NFATC1: variants seen among roughly 807,000 people sequenced by gnomAD.
NFATC1 encodes the protein nuclear factor of activated T cells 1, also known as nuclear factor of activated T-cells, cytoplasmic 1.
Under a neutral mutation model 76.0 loss-of-function variants are expected in NFATC1, and 22 were observed. The observed-to-expected ratio is 0.29, with a 90% CI of 0.21 to 0.41. The LOEUF is 0.41. Among genes scored for constraint, NFATC1 ranks in the 10% least tolerant of loss-of-function variants. The pLI, the probability that NFATC1 is intolerant of heterozygous loss-of-function variation, is 1.00. For synonymous variants in NFATC1, 704 were observed against 613.1 expected (o/e 1.15, Z -2.19); for missense variants, 1,357 against 1,337.7 (o/e 1.01, Z -0.23).
At chr18:79,520,534 G>T (rs534254518) in intron 9 of NFATC1, among the ~76,000 whole-genome samples, 2 of 150,404 alleles carry the variant, frequency 1.3e-5, no homozygotes, top group Non-Finnish European at 3.0e-5. Flanking sequence ...CTGTGTGTGG[G>T]GGGGGGAGGG....
chr18:79,448,675 C>A, intron 3 of NFATC1, 107 bp from the exon 4 acceptor site: 2 of 1,012,378 alleles, frequency 2.0e-6, no homozygotes, highest in Admixed American at 4.0e-5. Context: ...GGGGGCAGGG[C>A]AGGGGGACAC....
intron 1 of NFATC1, 51 bp downstream of exon 1, chr18:79,396,402 G>A: frequency 1.8e-6 from 2 of 1,115,788 alleles, no homozygotes; most frequent in South Asian, 4.2e-5. Context: ...CCCACGGCCC[G>A]GGCCGCGCCC....
intron 9 of NFATC1, among the ~76,000 whole-genome samples, chr18:79,519,166 A>G (rs56116621): frequency 0.14 from 21,958 of 152,118 alleles, 1,683 homozygotes; most frequent in African/African-American, 0.18. Context: ...AGATCTCCGA[A>G]CCATGGTTTG....
At chr18:79,397,956 A>G (rs947305174) in intron 1 of NFATC1, among the ~76,000 whole-genome samples, 1 of 152,206 alleles carries the variant, frequency 6.6e-6, no homozygotes, top group South Asian at 2.1e-4. Context: ...CCAGCCGGAA[A>G]GTGTGATCTA....
intron 2 of NFATC1, among the ~76,000 whole-genome samples, chr18:79,433,013 C>T (rs1005687957): frequency 2.0e-5 from 3 of 152,158 alleles, no homozygotes; most frequent in Admixed American, 2.0e-4. Flanking sequence ...CGCCCTGCTG[C>T]GTTTGCTCCC....
Position 79,483,724 on chromosome 18 carries a change from G to T in NFATC1, c.2093-2524G>T, listed in dbSNP as rs1425444159. Among the ~76,000 whole-genome samples, 8 of 145,354 alleles carry T rather than the reference G, an allele frequency of 5.5e-5. No individual in the cohort carries two copies. The East Asian group carries it at 1.5e-3, about 26-fold the overall frequency. ...CTTGTTCCTGGGGTGTAATTCCAGC[G>T]TGACCTGGTCCTGGGGTGTCACTCC... On this transcript the variant is annotated intron_variant, in intron 8 of 9. Transcript: ENST00000427363.
intron 8 of NFATC1, among the ~76,000 whole-genome samples, chr18:79,478,342 A>G (rs2089158091): frequency 6.6e-6 from 1 of 151,968 alleles, no homozygotes; most frequent in Non-Finnish European, 1.5e-5. Flanking sequence ...GTCCCCCGGG[A>G]GCCAGGCCAC....
intron 3 of NFATC1, among the ~76,000 whole-genome samples, chr18:79,444,530 C>G (rs1370442947): frequency 6.6e-6 from 1 of 152,100 alleles, no homozygotes; most frequent in South Asian, 2.1e-4. Flanking sequence ...CAGGCCCTTT[C>G]CCGCATCTGA....
intron 9 of NFATC1, among the ~76,000 whole-genome samples, chr18:79,494,112 G>A (rs896205711): frequency 3.3e-5 from 5 of 152,356 alleles, no homozygotes; most frequent in Admixed American, 2.6e-4. Flanking sequence ...AGGCTCAGAC[G>A]TCGACTCACG....
chr18:79,461,464 C>A, intron 7 of NFATC1, 98 bp downstream of exon 7: 1 of 784,640 alleles, frequency 1.3e-6, no homozygotes. Flanking sequence ...CCTTGGGAGG[C>A]TGGGGTTCCT....
At position 79,433,879 on chromosome 18, in the gene NFATC1, C is replaced by T. The variant is rs1327970472; in HGVS notation, c.1386+141C>T. 10 of 970,536 alleles carry T rather than the reference C, an allele frequency of 1.0e-5. 1 individual carries two copies. Among genetic ancestry groups the T allele is most frequent in the Non-Finnish European group, 1.3e-5 (9 of 688,600 alleles). The allele number at this position is 970,536 out of a possible 1,614,324, so 60.1% of individuals were successfully genotyped here. On this transcript the variant is annotated intron_variant, in intron 3 of 9. Coordinates refer to ENST00000427363, the MANE Select transcript of NFATC1 (RefSeq NM_001278669.2). ...TCGTGGTTAGTCCCGGGCGGCTGCT[C>T]ACCGCCTCTGAGCTGGAATGGGAGC...
chr18:79,430,738 A>C (rs1280411016), intron 2 of NFATC1, among the ~76,000 whole-genome samples: 1 of 152,344 alleles, frequency 6.6e-6, no homozygotes, highest in East Asian at 1.9e-4. Context: ...GATAGGTGCA[A>C]GGTGCCTGAG....
Position 79,433,646 on chromosome 18 carries a change from G to A in NFATC1, c.1294G>A (p.Val432Met). The A allele has an allele frequency of 1.9e-6, 3 of 1,613,172 alleles. No individual in the cohort carries two copies. Among genetic ancestry groups the A allele is most frequent in the East Asian group, 2.2e-5 (1 of 44,858 alleles). ...HSGPYELRIE[V>M]QPKSHHRAHY... ...AGGCCCGTATGAGCTTCGGATTGAG[G>A]TGCAGCCCAAGTCCCACCACCGAGC... Residue 432 changes from valine to methionine, a missense_variant, in exon 3 of 10, where the codon GTG becomes ATG. Physicochemically the swap from Val to Met is conservative, Grantham distance 21. This residue lies in a region of NFATC1 where 691 missense variants were observed against 613.1 expected (regional missense o/e 1.13). Coordinates refer to ENST00000427363, the MANE Select transcript of NFATC1 (RefSeq NM_001278669.2).
intron 9 of NFATC1, among the ~76,000 whole-genome samples, chr18:79,512,777 G>T (rs1215264274): frequency 1.3e-5 from 2 of 152,210 alleles, no homozygotes; most frequent in Non-Finnish European, 2.9e-5. Context: ...CATCCCACTC[G>T]AGCTCTCAGC....
At chr18:79,452,957 C>T (rs1390773337) in intron 6 of NFATC1, among the ~76,000 whole-genome samples, 1 of 152,220 alleles carries the variant, frequency 6.6e-6, no homozygotes, top group Non-Finnish European at 1.5e-5. Context: ...TTGCCGGAAA[C>T]TTAAGTGCTT....
chr18:79,474,224 TAAACC>T lies in NFATC1; in HGVS notation c.2092+6643_2092+6647del, dbSNP rs1454287913. 2.0e-4 allele frequency among the ~76,000 whole-genome samples: 21 copies of T among 103,762 alleles called. 3 individuals are homozygous for T. The highest frequency in any genetic ancestry group is 6.3e-4 in the African/African-American group (14 of 22,048). The allele number at this position is 103,762 out of a possible 152,430, so 68.1% of individuals were successfully genotyped here. A position where few individuals can be genotyped will look rare whatever the true frequency, so the allele number is the denominator to read the frequency against. ...CGTGTTCTCATGCTCACTGTCGACG[TAAACC>T]TGAGGGAAGCGTGTTCTCGCGCTCA... is the stretch of plus-strand genomic sequence containing the variant. On this transcript the variant is annotated intron_variant, in intron 8 of 9. Coordinates refer to ENST00000427363, the MANE Select transcript of NFATC1 (RefSeq NM_001278669.2).
chr18:79,487,051 C>T (rs962698795), intron 9 of NFATC1, 114 bp downstream of exon 9: 11 of 1,244,710 alleles, frequency 8.8e-6, no homozygotes, highest in African/African-American at 3.1e-5. Context: ...ACCGAGGCAC[C>T]GGGCAGGGTG....
At chr18:79,457,385 C>T (rs975847129) in intron 6 of NFATC1, among the ~76,000 whole-genome samples, 1 of 152,188 alleles carries the variant, frequency 6.6e-6, no homozygotes, top group Non-Finnish European at 1.5e-5. Flanking sequence ...TCTCAGACTC[C>T]CCCTGCCTGG....
intron 8 of NFATC1, among the ~76,000 whole-genome samples, chr18:79,475,801 C>T (rs1054850563): frequency 2.6e-5 from 4 of 152,222 alleles, no homozygotes; most frequent in South Asian, 2.1e-4. Flanking sequence ...CCCAGCAAGA[C>T]GCCAGGCATC....
Sources: gnomAD v4.1 joint callset for allele counts (sites outside exome capture counted in the v4.1 genomes callset) on GRCh38, gnomAD v4.1.1 for gene constraint, gnomAD v4.1.1 regional missense constraint, MANE v1.5 for transcripts, NCBI Gene and HGNC (gene_info 2026-07-23, HGNC 2026-07-21) for gene names.